Variants in FIP1L1 observed in about 807,000 individuals in gnomAD.
The protein encoded by FIP1L1 is factor interacting with PAPOLA and CPSF1.
FIP1L1 carries 21 observed loss-of-function variants against 84.6 expected under a neutral mutation model. That is an observed-to-expected ratio of 0.25 (90% CI 0.18 to 0.36). The LOEUF is 0.36. FIP1L1 is among the 10% of genes least tolerant of loss of function. The pLI is 1.00. For missense variants in FIP1L1, 526 were observed against 751.1 expected (o/e 0.70, Z 3.50); for synonymous variants, 263 against 242.3 (o/e 1.09, Z -0.80).
At chr4:53,448,849 T>A (rs935027919) in intron 15 of FIP1L1, among the ~76,000 whole-genome samples, 29 of 152,168 alleles carry the variant, frequency 1.9e-4, no homozygotes, top group Admixed American at 5.2e-4. Flanking sequence ...ATACACTTCT[T>A]GAATGTCTTT....
At chr4:53,395,673 A>G (rs1746837984) in intron 9 of FIP1L1, among the ~76,000 whole-genome samples, 1 of 152,182 alleles carries the variant, frequency 6.6e-6, no homozygotes, top group Admixed American at 6.5e-5. Context: ...ATACTTATTG[A>G]GTACTTATTG....
chr4:53,436,096 A>G (rs1769063088), intron 13 of FIP1L1, among the ~76,000 whole-genome samples: 1 of 151,994 alleles, frequency 6.6e-6, no homozygotes, highest in Admixed American at 6.6e-5. Context: ...ATATTCTGCC[A>G]TTTTTTTTCT....
At chr4:53,434,148 G>A (rs1768013187) in intron 13 of FIP1L1, among the ~76,000 whole-genome samples, 1 of 146,672 alleles carries the variant, frequency 6.8e-6, no homozygotes, top group African/African-American at 2.8e-5. Context: ...ACTTATGTAT[G>A]TTTTATCTGT....
chr4:53,436,399 G>A (rs1769220326), intron 13 of FIP1L1, among the ~76,000 whole-genome samples: 1 of 152,170 alleles, frequency 6.6e-6, no homozygotes, highest in Non-Finnish European at 1.5e-5. Flanking sequence ...CATTGACAGG[G>A]CTTCAGTTCC....
At chr4:53,451,508 CTGAG>C (rs1259330361) in intron 15 of FIP1L1, among the ~76,000 whole-genome samples, 1 of 151,458 alleles carries the variant, frequency 6.6e-6, no homozygotes, top group African/African-American at 2.4e-5. Flanking sequence ...CTTGAATTGA[CTGAG>C]TTTCTTTCTC....
chr4:53,399,105 A>G (rs115674143), intron 9 of FIP1L1, among the ~76,000 whole-genome samples: 199 of 152,322 alleles, frequency 1.3e-3, no homozygotes, highest in African/African-American at 4.5e-3. Context: ...GTGAGCCGTG[A>G]TTGCACGACT....
rs1736478589 is a variant in FIP1L1, at chr4:53,379,240, A to G, written c.146A>G (p.Glu49Gly). 6.2e-7 allele frequency: 1 copy of G among 1,604,620 alleles called. No homozygotes were observed. The highest frequency in any genetic ancestry group is 1.3e-5 in the African/African-American group (1 of 74,136). ...TACTTGGTAGATGAAAATGAAGTTG[A>G]AAGGCCAGAAGAAGAAAATGCCAGG... ...LAKDLDENEV[E>G]RPEEENASAN... Residue 49 changes from glutamate to glycine, a missense_variant, in exon 3 of 18, where the codon GAA becomes GGA. Transcript: ENST00000337488.
chr4:53,400,542 G>T (rs985375607), intron 10 of FIP1L1, among the ~76,000 whole-genome samples: 1 of 152,096 alleles, frequency 6.6e-6, no homozygotes, highest in Non-Finnish European at 1.5e-5. Flanking sequence ...ACTATTACTA[G>T]TTCTCGGCCA....
chr4:53,435,761 G>T (rs1768862823), intron 13 of FIP1L1, among the ~76,000 whole-genome samples: 1 of 151,950 alleles, frequency 6.6e-6, no homozygotes, highest in South Asian at 2.1e-4. Context: ...TGAAATAATG[G>T]TTTTGCCATA....
intron 9 of FIP1L1, among the ~76,000 whole-genome samples, chr4:53,397,955 CA>C (rs1222058526): frequency 6.6e-6 from 1 of 152,108 alleles, no homozygotes; most frequent in African/African-American, 2.4e-5. Flanking sequence ...TACTGGTGGT[CA>C]GGGGAGCAAT....
At chr4:53,452,407 C>T (rs1455745740) in intron 15 of FIP1L1, among the ~76,000 whole-genome samples, 7 of 152,114 alleles carry the variant, frequency 4.6e-5, no homozygotes, top group African/African-American at 1.7e-4. Context: ...TAACCTCCGC[C>T]TCCCGGGTTC....
chr4:53,378,663 T>C (rs1237040677), intron 1 of FIP1L1: 1 of 178,842 alleles, frequency 5.6e-6, no homozygotes, highest in Admixed American at 6.0e-5. Flanking sequence ...ATCATGTACT[T>C]CTCTCTAGAA....
intron 9 of FIP1L1, among the ~76,000 whole-genome samples, chr4:53,393,781 C>T (rs868438682): frequency 2.6e-5 from 3 of 116,606 alleles, no homozygotes; most frequent in South Asian, 3.5e-4. Flanking sequence ...CCCCCCCCCC[C>T]GCCCCCGGCT....
chr4:53,417,800 C>CAG (rs1760464584), intron 11 of FIP1L1, among the ~76,000 whole-genome samples: 1 of 112,262 alleles, frequency 8.9e-6, no homozygotes, highest in African/African-American at 3.4e-5. Flanking sequence ...CTCTCTCTCT[C>CAG]TCTCTCTCTC....
intron 5 of FIP1L1, among the ~76,000 whole-genome samples, chr4:53,388,004 G>A (rs552309956): frequency 1.3e-5 from 2 of 152,296 alleles, no homozygotes; most frequent in Admixed American, 6.5e-5. Context: ...AGTTGGTGAC[G>A]ATAGTACTGC....
chr4:53,397,718 C>T (rs534973491), intron 9 of FIP1L1, among the ~76,000 whole-genome samples: 2 of 152,280 alleles, frequency 1.3e-5, no homozygotes, highest in African/African-American at 2.4e-5. Context: ...GGTTACTGAT[C>T]GCAGATTGGA....
chr4:53,420,307 C>T (rs1761850846), intron 11 of FIP1L1, among the ~76,000 whole-genome samples: 1 of 148,660 alleles, frequency 6.7e-6, no homozygotes, highest in Non-Finnish European at 1.5e-5. Context: ...TAGCATGCGT[C>T]CGTAATCCCA....
intron 11 of FIP1L1, among the ~76,000 whole-genome samples, chr4:53,417,718 T>C (rs947387643): frequency 7.2e-6 from 1 of 139,394 alleles, no homozygotes; most frequent in African/African-American, 2.7e-5. Flanking sequence ...TTTTTCTCTT[T>C]GCTACTTTTT....
chr4:53,419,847 T>C (rs1316357439), intron 11 of FIP1L1, among the ~76,000 whole-genome samples: 1 of 152,158 alleles, frequency 6.6e-6, no homozygotes, highest in Admixed American at 6.5e-5. Flanking sequence ...GCGCAATGGC[T>C]CACGCCTATA....
Sources: gnomAD v4.1 joint callset for allele counts (sites outside exome capture counted in the v4.1 genomes callset) on GRCh38, gnomAD v4.1.1 for gene constraint, MANE v1.5 for transcripts, NCBI Gene and HGNC (gene_info 2026-07-23, HGNC 2026-07-21) for gene names.